The following COL24A1 variants were observed in gnomAD, a reference collection of about 807,000 sequenced individuals.
COL24A1 encodes collagen type XXIV alpha 1 chain.
COL24A1 carries 224 observed loss-of-function variants against 253.9 expected under a neutral mutation model. The observed-to-expected ratio is 0.88, with a 90% CI of 0.79 to 0.99. COL24A1 has a LOEUF of 0.99. COL24A1 is among the 50% of genes least tolerant of loss of function. The pLI, the probability that COL24A1 is intolerant of heterozygous loss-of-function variation, is 0.00. For synonymous variants in COL24A1, 685 were observed against 673.7 expected, an observed-to-expected ratio of 1.02 and a Z score of -0.26; for missense variants, 2,131 against 2,068.5, an observed-to-expected ratio of 1.03 and a Z score of -0.59.
At chr1:86,144,057 C>T (rs1171270958) in intron 2 of COL24A1, among the ~76,000 whole-genome samples, 2 of 152,140 alleles carry the variant, frequency 1.3e-5, no homozygotes, top group Non-Finnish European at 2.9e-5. Context: ...TGATAATATG[C>T]TATTTCCATT....
chr1:86,033,007 C>A (rs1698704327), intron 13 of COL24A1, among the ~76,000 whole-genome samples: 1 of 152,082 alleles, frequency 6.6e-6, no homozygotes, highest in South Asian at 2.1e-4. Context: ...AAATGGTAAA[C>A]ATTCCACTTA....
rs751125326 is a variant in COL24A1, at chr1:85,771,775, CTTTT to C, written c.4374+3895_4374+3898del. Among the ~76,000 whole-genome samples, 524 of 51,924 alleles carry C rather than the reference CTTTT, an allele frequency of 0.01. 2 individuals carry two copies. In the South Asian group the frequency reaches 0.11, roughly 11 times the overall value. The allele number at this position is 51,924 out of a possible 152,430, so 34.1% of individuals were successfully genotyped here. On this transcript the variant is annotated intron_variant, in intron 53 of 59. Coordinates refer to ENST00000370571, the MANE Select transcript of COL24A1 (RefSeq NM_152890.7). ...CTCTCCAGCATCTGTTGTTGCCTGACTTTTTTATTTATTTATTTATTTATTTATT... is the reference window on the plus strand; with the variant it reads ...CTCTCCAGCATCTGTTGTTGCCTGACTTATTTATTTATTTATTTATTTATT...
chr1:86,022,499 T>G (rs1245321432), intron 17 of COL24A1, 39 bp downstream of exon 17: 1 of 1,545,516 alleles, frequency 6.5e-7, no homozygotes, highest in South Asian at 1.2e-5. Flanking sequence ...GAATTTACAC[T>G]TTTTCATATT....
chr1:85,762,980 A>G (rs934531328), intron 53 of COL24A1, among the ~76,000 whole-genome samples: 1 of 152,240 alleles, frequency 6.6e-6, no homozygotes, highest in Non-Finnish European at 1.5e-5. Flanking sequence ...AGGGCAGGGC[A>G]ACTCCAATGT....
At chr1:85,778,901 G>T (rs1668872072) in intron 52 of COL24A1, among the ~76,000 whole-genome samples, 1 of 152,156 alleles carries the variant, frequency 6.6e-6, no homozygotes, top group Non-Finnish European at 1.5e-5. Context: ...ACTGCGCTTG[G>T]CCTCTTCTAA....
At chr1:85,899,660 T>C (rs549957912) in intron 28 of COL24A1, among the ~76,000 whole-genome samples, 1 of 152,304 alleles carries the variant, frequency 6.6e-6, no homozygotes, top group East Asian at 1.9e-4. Flanking sequence ...TTTAAAAAGA[T>C]TGTTTGGTCC....
At chr1:85,833,527 A>G (rs1675608727) in intron 43 of COL24A1, among the ~76,000 whole-genome samples, 1 of 152,308 alleles carries the variant, frequency 6.6e-6, no homozygotes, top group Admixed American at 6.5e-5. Flanking sequence ...GGGACTGTAA[A>G]CTAGTTCAAC....
At chr1:85,890,284 T>A (rs1682979890) in intron 31 of COL24A1, among the ~76,000 whole-genome samples, 1 of 152,182 alleles carries the variant, frequency 6.6e-6, no homozygotes, top group Non-Finnish European at 1.5e-5. Flanking sequence ...ATAGATCATA[T>A]GGTAATTCTC....
rs1572008487 is a variant in COL24A1 at position 86,125,578 on chromosome 1, C to T, written c.758G>A (p.Ser253Asn). The T allele has an allele frequency of 2.5e-6, 4 of 1,613,378 alleles. No homozygotes were observed. The highest frequency in any genetic ancestry group is 2.7e-5 in the African/African-American group (2 of 74,938). ...TGGTATGAGAGTTGTACAAGGAATG[C>T]TTGTTTCAGGTTGGTATTTGTCTGC... Reference protein sequence around the residue: ...RQADKYQPETSIPCTTLIPTK... With the variant: ...RQADKYQPETNIPCTTLIPTK... Residue 253 changes from serine (S) to asparagine (N), a missense_variant, in exon 3 of 60, where the codon AGC becomes AAC. Ser to Asn is a conservative substitution (Grantham distance 46). Transcript: ENST00000370571.
intron 35 of COL24A1, 39 bp from the exon 36 acceptor site, chr1:85,868,874 T>A (rs1349233009): frequency 7.1e-7 from 1 of 1,401,538 alleles, no homozygotes; most frequent in Admixed American, 2.2e-5. Context: ...AGTTTTTTTT[T>A]GCTATATCAT....
At position 86,124,916 on chromosome 1, in the gene COL24A1, A is replaced by G. The variant is rs997380014; in HGVS notation, c.1420T>C (p.Tyr474His). The change falls in exon 3 of 60, where the codon TAT becomes CAT. Residue 474 changes from tyrosine (Y) to histidine (H), a missense_variant. By Grantham distance (83) the Tyr-to-His change is moderately conservative. Transcript: ENST00000370571. ...SYETELYDYYYYEDLNTMLEM... is the reference protein window; with the variant it reads ...SYETELYDYYHYEDLNTMLEM... ...AGCATTGTATTTAGATCCTCATAAT[A>G]ATAATAATCATAAAGCTCAGTTTCA... The G allele has an allele frequency of 1.2e-6, 2 of 1,611,162 alleles. No individual in the cohort carries two copies. Among genetic ancestry groups the G allele is most frequent in the East Asian group, 2.2e-5 (1 of 44,822 alleles).
intron 1 of COL24A1, among the ~76,000 whole-genome samples, chr1:86,149,318 C>T (rs1048184308): frequency 6.6e-6 from 1 of 152,208 alleles, no homozygotes; most frequent in Non-Finnish European, 1.5e-5. Flanking sequence ...AATGTGCAAA[C>T]AAGGTTGAGG....
intron 20 of COL24A1, among the ~76,000 whole-genome samples, chr1:85,971,862 A>T (rs1692199328): frequency 6.6e-6 from 1 of 152,200 alleles, no homozygotes; most frequent in African/African-American, 2.4e-5. Flanking sequence ...GTTGAAGAAT[A>T]TTCTTCAACT....
chr1:85,830,699 T>C (rs527846056), intron 43 of COL24A1, among the ~76,000 whole-genome samples: 1 of 152,258 alleles, frequency 6.6e-6, no homozygotes, highest in African/African-American at 2.4e-5. Context: ...GTGCCATCTG[T>C]CACCTCTTTC....
intron 7 of COL24A1, among the ~76,000 whole-genome samples, chr1:86,066,497 G>A (rs1243732104): frequency 6.6e-6 from 1 of 151,810 alleles, no homozygotes; most frequent in Non-Finnish European, 1.5e-5. Context: ...GCCCGCCTCG[G>A]CCTCCCAAAG....
intron 20 of COL24A1, among the ~76,000 whole-genome samples, chr1:85,976,076 G>C (rs1040434146): frequency 6.6e-6 from 1 of 152,170 alleles, no homozygotes; most frequent in African/African-American, 2.4e-5. Context: ...GATTCCAACT[G>C]AACTTTGTAA....
rs1673086501 is a variant in COL24A1 at position 85,816,817 on chromosome 1, T to A, written c.3922A>T (p.Ile1308Phe). Residue 1308 changes from isoleucine (I) to phenylalanine (F), a missense_variant, in exon 47 of 60, where the codon ATT (isoleucine) becomes TTT (phenylalanine). Transcript: ENST00000370571. ...ADGISGNPGKIGPPGKQGLPG... is the reference protein window; with the variant it reads ...ADGISGNPGKFGPPGKQGLPG... ...AGTCCCTGTTTTCCTGGTGGCCCAA[T>A]TTTTCCAGGGTTTCCTGAAATGCCA... is the stretch of plus-strand genomic sequence containing the variant. 5.0e-6 allele frequency: 8 copies of A among 1,613,866 alleles called. No homozygotes were observed. The East Asian group carries it at 1.8e-4, about 36-fold the overall frequency.
At chr1:85,982,222 T>C (rs1693324347) in intron 20 of COL24A1, among the ~76,000 whole-genome samples, 1 of 151,910 alleles carries the variant, frequency 6.6e-6, no homozygotes, top group South Asian at 2.1e-4. Flanking sequence ...GTAGCTAAAC[T>C]CATAGAAGCA....
chr1:85,966,920 C>T (rs1389180821), intron 22 of COL24A1, among the ~76,000 whole-genome samples: 1 of 151,992 alleles, frequency 6.6e-6, no homozygotes, highest in Non-Finnish European at 1.5e-5. Flanking sequence ...AAACTGACAC[C>T]AAAAAAGTTT....
Sources: gnomAD v4.1 joint callset for allele counts (sites outside exome capture counted in the v4.1 genomes callset) on GRCh38, gnomAD v4.1.1 for gene constraint, MANE v1.5 for transcripts, NCBI Gene and HGNC (gene_info 2026-07-23, HGNC 2026-07-21) for gene names.